Variants in KANK1 observed in about 807,000 individuals in gnomAD.
The protein encoded by KANK1 is KN motif and ankyrin repeat domains 1, also known as KN motif and ankyrin repeat domain-containing protein 1.
A neutral mutation model predicts 106.2 loss-of-function variants in KANK1; 109 were observed. The ratio of observed to expected loss-of-function variants is 1.03; its 90% confidence interval spans 0.88 to 1.20. The LOEUF is 1.20. KANK1 is among the 50% of genes most tolerant of loss of function. KANK1 has a pLI of 0.00. For synonymous variants in KANK1, 873 were observed against 652.2 expected (o/e 1.34, Z -5.16); for missense variants, 2,399 against 1,710.7 (o/e 1.40, Z -7.10).
intron 1 of KANK1, among the ~76,000 whole-genome samples, chr9:662,624 G>T (rs1021735194): frequency 1.3e-5 from 2 of 151,748 alleles, no homozygotes; most frequent in Non-Finnish European, 2.9e-5. Context: ...TATTTAGAAA[G>T]CTGAAACTGC....
chr9:672,024 C>T (rs1176563766), intron 1 of KANK1, among the ~76,000 whole-genome samples: 1 of 152,184 alleles, frequency 6.6e-6, no homozygotes, highest in Non-Finnish European at 1.5e-5. Flanking sequence ...AGCCTCCTTG[C>T]AGTAAGCATA....
At chr9:724,635 C>G (rs1166827101) in intron 3 of KANK1, among the ~76,000 whole-genome samples, 1 of 152,076 alleles carries the variant, frequency 6.6e-6, no homozygotes, top group Non-Finnish European at 1.5e-5. Flanking sequence ...AATCCCGTCT[C>G]TACTAAAAAT....
intron 1 of KANK1, among the ~76,000 whole-genome samples, chr9:629,711 T>C (rs1380548942): frequency 6.6e-6 from 1 of 152,178 alleles, no homozygotes; most frequent in Non-Finnish European, 1.5e-5. Flanking sequence ...TAACCTATAG[T>C]ACAAACGTGT....
chr9:706,609 C>T (rs895087641), intron 2 of KANK1, among the ~76,000 whole-genome samples: 2 of 146,762 alleles, frequency 1.4e-5, no homozygotes, highest in African/African-American at 2.5e-5. Context: ...GTACTACTTT[C>T]GTATCTGGAA....
intron 1 of KANK1, among the ~76,000 whole-genome samples, chr9:571,339 C>T (rs1359800411): frequency 2.6e-5 from 4 of 152,188 alleles, no homozygotes; most frequent in Non-Finnish European, 5.9e-5. Flanking sequence ...GCAGAAGTTA[C>T]AGAGTGTTCC....
intron 1 of KANK1, among the ~76,000 whole-genome samples, chr9:599,781 G>C (rs1162618047): frequency 6.6e-6 from 1 of 151,830 alleles, no homozygotes; most frequent in African/African-American, 2.4e-5. Flanking sequence ...AGGTTCTTCA[G>C]GGCTGGCTAC....
At position 688,837 on chromosome 9, in the gene KANK1, C is replaced by A. The variant is rs924449988; in HGVS notation, c.37+11828C>A. ...TGGTTCCTTTTGTCTCAGGCTTATT[C>A]TCTGGTGCAGCTTGGTGGGCTGGTT... On this transcript the variant is annotated intron_variant, in intron 2 of 11. Coordinates refer to ENST00000382297, the MANE Select transcript of KANK1 (RefSeq NM_015158.5). 1.1e-4 allele frequency among the ~76,000 whole-genome samples: 17 copies of A among 152,084 alleles called. 1 individual carries two copies. The highest frequency in any genetic ancestry group is 1.5e-5 in the Non-Finnish European group (1 of 68,032).
chr9:593,198 C>T (rs1386135706), intron 1 of KANK1, among the ~76,000 whole-genome samples: 1 of 151,778 alleles, frequency 6.6e-6, no homozygotes, highest in African/African-American at 2.4e-5. Context: ...CTTTGGCAGA[C>T]CATGTGTTCC....
chr9:692,086 T>G (rs1381469805), intron 2 of KANK1, among the ~76,000 whole-genome samples: 1 of 107,350 alleles, frequency 9.3e-6, no homozygotes, highest in Admixed American at 1.1e-4. Flanking sequence ...AATAGCCTGT[T>G]TTGTAAAATT....
chr9:543,756 ACT>A (rs1479859761), intron 1 of KANK1, among the ~76,000 whole-genome samples: 10 of 152,076 alleles, frequency 6.6e-5, no homozygotes, highest in Non-Finnish European at 1.2e-4. Context: ...AAAAAACATA[ACT>A]CTAATTGATT....
intron 2 of KANK1, among the ~76,000 whole-genome samples, chr9:708,942 T>A (rs1825115744): frequency 6.6e-6 from 1 of 152,234 alleles, no homozygotes; most frequent in Non-Finnish European, 1.5e-5. Flanking sequence ...ATAGCCCAGG[T>A]CAGCGACAAG....
At chr9:470,635 C>G (rs1253664741) in exon 2 of KANK1, 1 of 152,390 alleles carries the variant, frequency 6.6e-6, no homozygotes, top group Non-Finnish European at 1.5e-5. Flanking sequence ...CAAGAAAGCA[C>G]CGCCACTCCA....
intron 1 of KANK1, among the ~76,000 whole-genome samples, chr9:642,658 A>G (rs1838739863): frequency 6.6e-6 from 1 of 150,896 alleles, no homozygotes; most frequent in South Asian, 2.1e-4. Context: ...AATTCAAGCC[A>G]GACAAGAACT....
intron 1 of KANK1, among the ~76,000 whole-genome samples, chr9:604,549 T>C (rs1470645902): frequency 1.3e-5 from 2 of 151,746 alleles, no homozygotes; most frequent in Admixed American, 6.6e-5. Flanking sequence ...ATAAGTTTCC[T>C]GGCCGGGTGC....
At chr9:700,080 G>A (rs1251226928) in intron 2 of KANK1, among the ~76,000 whole-genome samples, 1 of 152,238 alleles carries the variant, frequency 6.6e-6, no homozygotes, top group East Asian at 1.9e-4. Flanking sequence ...GTGAGGAGAA[G>A]CATTTCAGGC....
chr9:621,523 G>A (rs905711852), intron 1 of KANK1, among the ~76,000 whole-genome samples: 1 of 152,178 alleles, frequency 6.6e-6, no homozygotes, highest in Non-Finnish European at 1.5e-5. Context: ...TTTGACCCCA[G>A]TAATTTTGTA....
chr9:530,695 A>T (rs1426770621), intron 1 of KANK1, among the ~76,000 whole-genome samples: 17 of 152,246 alleles, frequency 1.1e-4, no homozygotes, highest in Admixed American at 1.1e-3. Context: ...GGTATTTAAA[A>T]ATGAATTATG....
At position 647,127 on chromosome 9, in the gene KANK1, C is replaced by T. The variant is rs1474216826; in HGVS notation, c.-83-29763C>T. On this transcript the variant is annotated intron_variant, in intron 1 of 11. Coordinates refer to ENST00000382297, the MANE Select transcript of KANK1 (RefSeq NM_015158.5). Reference sequence around the variant, plus strand: ...CATAGGTGGGGAGTGGGGAGGGAGACATCCAAAGTTAATTAGAACCAAGTA... The same window carrying T: ...CATAGGTGGGGAGTGGGGAGGGAGATATCCAAAGTTAATTAGAACCAAGTA... 3.3e-5 allele frequency among the ~76,000 whole-genome samples: 5 copies of T among 151,104 alleles called. No individual in the cohort carries two copies. The East Asian group carries it at 7.7e-4, about 23-fold the overall frequency.
intron 1 of KANK1, among the ~76,000 whole-genome samples, chr9:633,886 A>G (rs1588437534): frequency 6.6e-6 from 1 of 152,168 alleles, no homozygotes; most frequent in African/African-American, 2.4e-5. Flanking sequence ...CCTAGCTTCA[A>G]GTGATCCTCT....
Sources: gnomAD v4.1 joint callset for allele counts (sites outside exome capture counted in the v4.1 genomes callset) on GRCh38, gnomAD v4.1.1 for gene constraint, MANE v1.5 for transcripts, NCBI Gene and HGNC (gene_info 2026-07-23, HGNC 2026-07-21) for gene names.